DIO2: variants seen among roughly 807,000 people sequenced by gnomAD.
DIO2 encodes iodothyronine deiodinase 2, also known as type II iodothyronine deiodinase.
DIO2 carries 19 observed loss-of-function variants against 21.4 expected under a neutral mutation model. The observed-to-expected ratio is 0.89, with a 90% CI of 0.62 to 1.30. DIO2 has a LOEUF of 1.30. DIO2 is among the 50% of genes most tolerant of loss of function. The pLI, the probability that DIO2 is intolerant of heterozygous loss-of-function variation, is 0.00. For missense variants in DIO2, 302 were observed against 338.1 expected, an observed-to-expected ratio of 0.89 and a Z score of 0.84; for synonymous variants, 122 against 132.9, an observed-to-expected ratio of 0.92 and a Z score of 0.57.
intron 2 of DIO2, among the ~76,000 whole-genome samples, chr14:80,224,923 A>C (rs1352805187): frequency 6.6e-6 from 1 of 152,194 alleles, no homozygotes; most frequent in Non-Finnish European, 1.5e-5. Context: ...GGCTGTCTGC[A>C]AGCTTGAGGA....
intron 2 of DIO2, among the ~76,000 whole-genome samples, chr14:80,223,314 C>G (rs1013915428): frequency 6.6e-6 from 1 of 152,240 alleles, no homozygotes; most frequent in South Asian, 2.1e-4. Context: ...AGTTACATAC[C>G]TTGTCAATTA....
In DIO2 at chr14:80,202,559, T is replaced by C. The variant is rs941938304; in HGVS notation, c.*130A>G. On this transcript the variant is annotated 3_prime_UTR_variant, in exon 2 of 2. Coordinates refer to ENST00000438257, the MANE Select transcript of DIO2 (RefSeq NM_013989.5). ...GAAGTATGGAGCTGTTAGAGATTCA[T>C]GTTCTTCCGATAGATAAACTCCTGT... The C allele has an allele frequency of 1.0e-6, 1 of 975,518 alleles. No homozygotes were observed. The highest frequency in any genetic ancestry group is 1.5e-6 in the Non-Finnish European group (1 of 671,118). The allele number at this position is 975,518 out of a possible 1,614,324, so 60.4% of individuals were successfully genotyped here.
At chr14:80,205,774 T>C (rs771121731) in intron 1 of DIO2, 4 of 1,217,904 alleles carry the variant, frequency 3.3e-6, no homozygotes, top group South Asian at 2.9e-5. Context: ...AAATTCGTAA[T>C]GCTCTTTATG....
At chr14:80,218,585 C>G (rs948934731) in intron 2 of DIO2, among the ~76,000 whole-genome samples, 7 of 152,150 alleles carry the variant, frequency 4.6e-5, no homozygotes, top group African/African-American at 1.7e-4. Context: ...CTCTAAGTTT[C>G]CTGGACCAGA....
chr14:80,225,669 G>GTT (rs200473356), intron 2 of DIO2, among the ~76,000 whole-genome samples: 23 of 151,966 alleles, frequency 1.5e-4, no homozygotes, highest in Non-Finnish European at 8.8e-5. Flanking sequence ...CAGGTCGTGG[G>GTT]TTTTTTTTCC....
Position 80,202,811 on chromosome 14 carries a change from G to T in DIO2, c.700C>A (p.Gln234Lys), listed in dbSNP as rs374310345. 19 of 1,613,778 alleles carry T rather than the reference G, an allele frequency of 1.2e-5. No homozygotes were observed. Among genetic ancestry groups the T allele is most frequent in the African/African-American group, 4.0e-5 (3 of 74,898 alleles). The change falls in exon 2 of 2, where the codon CAG (glutamine) becomes AAG (lysine). Residue 234 changes from glutamine (Q) to lysine (K), a missense_variant. Physicochemically the swap from Gln to Lys is moderately conservative, Grantham distance 53. Coordinates refer to ENST00000438257, the MANE Select transcript of DIO2 (RefSeq NM_013989.5). ...GVAFERVCIV[Q>K]RQKIAYLGGK... The stretch of plus-strand genomic sequence containing the variant: ...CCCAGATAAGCAATTTTCTGTCTCT[G>T]CACAATGCACACACGTTCAAAGGCT...
At position 80,200,074 on chromosome 14, in the gene DIO2, T is replaced by C. The variant is rs575556799; in HGVS notation, c.*2615A>G. 2.0e-5 allele frequency: 3 copies of C among 152,588 alleles called. No individual in the cohort carries two copies. The highest frequency in any genetic ancestry group is 2.9e-5 in the Non-Finnish European group (2 of 68,018). The allele number at this position is 152,588 out of a possible 1,614,324, so 9.5% of individuals were successfully genotyped here. Reference sequence around the variant, plus strand: ...TAAAAGAATACATCACAAGAAATCATAAAAATTCATGTTGCGATAAATAGG... The same window carrying C: ...TAAAAGAATACATCACAAGAAATCACAAAAATTCATGTTGCGATAAATAGG... On this transcript the variant is annotated 3_prime_UTR_variant, in exon 2 of 2. Coordinates refer to ENST00000438257, the MANE Select transcript of DIO2 (RefSeq NM_013989.5).
intron 2 of DIO2, among the ~76,000 whole-genome samples, chr14:80,220,517 C>T (rs1026932617): frequency 6.6e-6 from 1 of 151,992 alleles, no homozygotes; most frequent in Non-Finnish European, 1.5e-5. Flanking sequence ...TTGGGGTTGG[C>T]CAGGTACCTC....
At chr14:80,229,437 A>G (rs1461278712) in intron 2 of DIO2, among the ~76,000 whole-genome samples, 1 of 152,178 alleles carries the variant, frequency 6.6e-6, no homozygotes, top group Non-Finnish European at 1.5e-5. Context: ...TAGATCTGAC[A>G]TATAAAGAAG....
chr14:80,209,288 T>C (rs956256320), intron 1 of DIO2, among the ~76,000 whole-genome samples: 2 of 152,120 alleles, frequency 1.3e-5, no homozygotes, highest in Admixed American at 1.3e-4. Flanking sequence ...TTCATGTTTT[T>C]CTTAATGAAA....
chr14:80,220,290 A>C (rs1888440943), intron 2 of DIO2, among the ~76,000 whole-genome samples: 1 of 152,164 alleles, frequency 6.6e-6, no homozygotes, highest in Non-Finnish European at 1.5e-5. Flanking sequence ...ACCTGGGTAC[A>C]TCCTTTGTCT....
intron 2 of DIO2, among the ~76,000 whole-genome samples, chr14:80,222,035 A>G (rs1888475830): frequency 6.6e-6 from 1 of 152,200 alleles, no homozygotes; most frequent in African/African-American, 2.4e-5. Flanking sequence ...GAGAGGAGGA[A>G]GGTGGGAGGG....
At chr14:80,214,036 A>G (rs116322626), upstream of DIO2, among the ~76,000 whole-genome samples, 1,648 of 152,248 alleles carry the variant, frequency 0.011, 25 homozygotes, top group African/African-American at 0.037. Flanking sequence ...TTCTCAAACT[A>G]CTCAATGTCC....
At position 80,229,038 on chromosome 14, in the gene DIO2, C is replaced by A. The variant is rs1275247279; in HGVS notation, c.-277-12301G>T. Among the ~76,000 whole-genome samples the A allele has an allele frequency of 7.9e-5, 12 of 152,270 alleles. No individual in the cohort carries two copies. In the South Asian group the frequency reaches 2.5e-3, roughly 32 times the overall value. On this transcript the variant is annotated intron_variant, in intron 2 of 4. Coordinates refer to the DIO2 transcript ENST00000553594. ...GTGGGGTCCTAACCTCAAGGGGACC[C>A]AGCCTCCCCTTCATTCAAGGAGTAC...
chr14:80,208,375 T>C (rs2140004310), intron 1 of DIO2, among the ~76,000 whole-genome samples: 1 of 152,206 alleles, frequency 6.6e-6, no homozygotes, highest in Middle Eastern at 3.4e-3. Context: ...AGAAAGGGTT[T>C]ATTTAAAAAA....
At chr14:80,205,585 G>A in intron 1 of DIO2, 1 of 1,311,042 alleles carries the variant, frequency 7.6e-7, no homozygotes, top group Non-Finnish European at 9.9e-7. Context: ...TTTAGTCACA[G>A]GGGACTCTCT....
rs1887670551 is a variant in DIO2, at chr14:80,200,442, T to G, written c.*2247A>C. Reference sequence around the variant, plus strand: ...AATCTCATCCCCCCACCGGCTTATCTGACATACTGTTACTTTATCGTACAT... The same window carrying G: ...AATCTCATCCCCCCACCGGCTTATCGGACATACTGTTACTTTATCGTACAT... On this transcript the variant is annotated 3_prime_UTR_variant, in exon 2 of 2. Coordinates refer to ENST00000438257, the MANE Select transcript of DIO2 (RefSeq NM_013989.5). 6.6e-6 allele frequency: 1 copy of G among 152,626 alleles called. No homozygotes were observed. The highest frequency in any genetic ancestry group is 1.5e-5 in the Non-Finnish European group (1 of 68,038). 9.5% of individuals were successfully genotyped at this position (152,626 alleles called of 1,614,324 possible).
At chr14:80,221,729 A>G (rs1010926757) in intron 2 of DIO2, among the ~76,000 whole-genome samples, 1 of 152,226 alleles carries the variant, frequency 6.6e-6, no homozygotes, top group Non-Finnish European at 1.5e-5. Context: ...GAAGTTTCTC[A>G]TAATGAAACT....
intron 2 of DIO2, among the ~76,000 whole-genome samples, chr14:80,227,482 G>C (rs897436302): frequency 6.6e-6 from 1 of 152,320 alleles, no homozygotes; most frequent in Middle Eastern, 3.4e-3. Flanking sequence ...ATGGTGACTT[G>C]ATGACCCATA....
Sources: allele counts gnomAD v4.1 joint callset (sites outside exome capture counted in the v4.1 genomes callset), GRCh38; gene constraint gnomAD v4.1.1; transcripts MANE v1.5; gene names NCBI Gene and HGNC (gene_info 2026-07-23, HGNC 2026-07-21).